The following NXPE2 variants were observed in gnomAD, a reference collection of about 807,000 sequenced individuals.
NXPE2 encodes the protein NXPE family member 2.
Under a neutral mutation model 34.4 loss-of-function variants are expected in NXPE2, and 34 were observed. That is an observed-to-expected ratio of 0.99 (90% CI 0.75 to 1.31). The LOEUF is 1.31. Among genes scored for constraint, NXPE2 ranks in the 40% most tolerant of loss-of-function variants. NXPE2 has a pLI of 0.00. For synonymous variants in NXPE2, 235 were observed against 231.3 expected (o/e 1.02, Z -0.15); for missense variants, 649 against 672.5 (o/e 0.97, Z 0.39).
the NXPE2 span, chr11:114,527,131 C>G: frequency 6.6e-6 from 1 of 152,332 alleles, no homozygotes; most frequent in Non-Finnish European, 1.5e-5. Context: ...GTTTGCTGAT[C>G]CTTTTGTAGT....
At chr11:114,746,708 G>A in the NXPE2 span, among the ~76,000 whole-genome samples, 9 of 151,974 alleles carry the variant, frequency 5.9e-5, no homozygotes, top group Non-Finnish European at 1.0e-4. Flanking sequence ...ACAATTAGCT[G>A]GGCTTCCTGG....
At chr11:114,475,312 C>G in the NXPE2 span, among the ~76,000 whole-genome samples, 8 of 135,828 alleles carry the variant, frequency 5.9e-5, no homozygotes, top group African/African-American at 2.1e-4. Context: ...AGTGCGATCT[C>G]CACTCACTAC....
the NXPE2 span, among the ~76,000 whole-genome samples, chr11:114,750,559 C>G: frequency 6.6e-6 from 1 of 152,174 alleles, no homozygotes; most frequent in African/African-American, 2.4e-5. Flanking sequence ...CCTTTCATTT[C>G]TGCTTTCAAA....
chr11:114,546,559 C>A, the NXPE2 span, among the ~76,000 whole-genome samples: 3 of 151,796 alleles, frequency 2.0e-5, no homozygotes, highest in Middle Eastern at 3.2e-3. Flanking sequence ...ATCTCACCCT[C>A]CCAAAGTGCT....
chr11:114,487,041 T>C, the NXPE2 span, among the ~76,000 whole-genome samples: 1 of 152,158 alleles, frequency 6.6e-6, no homozygotes, highest in Non-Finnish European at 1.5e-5. Context: ...AAGAATATTA[T>C]TGGTATTTTG....
the NXPE2 span, among the ~76,000 whole-genome samples, chr11:114,624,729 A>G: frequency 5.5e-4 from 83 of 151,600 alleles, no homozygotes; most frequent in Middle Eastern, 6.9e-3. Flanking sequence ...GATAATAAGT[A>G]TTGCCTCCAG....
chr11:114,730,622 T>C, the NXPE2 span, among the ~76,000 whole-genome samples: 3 of 152,128 alleles, frequency 2.0e-5, no homozygotes, highest in African/African-American at 7.2e-5. Flanking sequence ...CTTCCTTTGT[T>C]AGATGTATTC....
At chr11:114,764,119 C>G in the NXPE2 span, among the ~76,000 whole-genome samples, 3 of 152,136 alleles carry the variant, frequency 2.0e-5, no homozygotes, top group Non-Finnish European at 2.9e-5. Context: ...AATCAGGCTA[C>G]TCGAACTCTT....
At chr11:114,491,767 C>G in the NXPE2 span, among the ~76,000 whole-genome samples, 1 of 152,216 alleles carries the variant, frequency 6.6e-6, no homozygotes, top group South Asian at 2.1e-4. Flanking sequence ...CCCAAATGTC[C>G]AACAATGATA....
At chr11:114,650,137 G>A in the NXPE2 span, among the ~76,000 whole-genome samples, 1 of 152,136 alleles carries the variant, frequency 6.6e-6, no homozygotes, top group Non-Finnish European at 1.5e-5. Context: ...AGCTCAAGTA[G>A]CAAGAAGACC....
the NXPE2 span, among the ~76,000 whole-genome samples, chr11:114,527,454 A>G: frequency 3.9e-5 from 6 of 152,296 alleles, no homozygotes; most frequent in East Asian, 1.2e-3. Flanking sequence ...CTCCATATAA[A>G]ATTGGTAATT....
At chr11:114,692,098 C>T (rs1951163777) in intron 2 of NXPE2, among the ~76,000 whole-genome samples, 1 of 152,176 alleles carries the variant, frequency 6.6e-6, no homozygotes, top group Non-Finnish European at 1.5e-5. Context: ...CTGTGGGTGC[C>T]CTTCTGCCTT....
At chr11:114,707,925 T>C (rs2135577858), downstream of NXPE2, among the ~76,000 whole-genome samples, 1 of 152,366 alleles carries the variant, frequency 6.6e-6, no homozygotes, top group South Asian at 2.1e-4. Flanking sequence ...TACTACATTT[T>C]GTTTATCCAT....
chr11:114,546,426 A>T, the NXPE2 span, among the ~76,000 whole-genome samples: 2 of 151,848 alleles, frequency 1.3e-5, no homozygotes, highest in African/African-American at 4.8e-5. Flanking sequence ...ATAGATATGC[A>T]TGTATTACTG....
the NXPE2 span, among the ~76,000 whole-genome samples, chr11:114,617,534 C>A: frequency 0.67 from 101,873 of 151,176 alleles, 34,427 homozygotes; most frequent in African/African-American, 0.76. Context: ...TGCCTCGTGG[C>A]TAACCACTGT....
chr11:114,671,293 T>C, the NXPE2 span, among the ~76,000 whole-genome samples: 1 of 150,704 alleles, frequency 6.6e-6, no homozygotes, highest in East Asian at 1.9e-4. Context: ...TTTAGAGAAA[T>C]ACGGTACAAA....
the NXPE2 span, among the ~76,000 whole-genome samples, chr11:114,588,149 C>T: frequency 6.6e-6 from 1 of 152,136 alleles, no homozygotes; most frequent in Non-Finnish European, 1.5e-5. Context: ...CTATCTGAGG[C>T]AGCTATTGAG....
the NXPE2 span, among the ~76,000 whole-genome samples, chr11:114,759,067 AAC>A: frequency 2.0e-5 from 3 of 151,848 alleles, no homozygotes; most frequent in East Asian, 3.9e-4. Flanking sequence ...CACGTGCGCA[AAC>A]ACACACGCAC....
the NXPE2 span, among the ~76,000 whole-genome samples, chr11:114,566,794 TTA>T: frequency 3.1e-4 from 47 of 152,234 alleles, no homozygotes; most frequent in Middle Eastern, 6.8e-3. Flanking sequence ...GTATTTAAAT[TTA>T]TGTTTTCTTT....
Sources: allele counts gnomAD v4.1 joint callset (sites outside exome capture counted in the v4.1 genomes callset), GRCh38; gene constraint gnomAD v4.1.1; transcripts MANE v1.5; gene names NCBI Gene and HGNC (gene_info 2026-07-23, HGNC 2026-07-21).